Variants in PCDH15 observed in about 807,000 individuals in gnomAD.
PCDH15 encodes the protein protocadherin related 15.
A neutral mutation model predicts 178.5 loss-of-function variants in PCDH15; 129 were observed. That is an observed-to-expected ratio of 0.72 (90% CI 0.63 to 0.84). The LOEUF (loss-of-function observed/expected upper bound fraction) is 0.84. Among genes scored for constraint, PCDH15 ranks in the 40% least tolerant of loss-of-function variants. The probability of loss-of-function intolerance (pLI) is 0.00; values close to 1 mark genes in which losing one functional copy is unlikely to be tolerated. For missense variants in PCDH15, 2,230 were observed against 2,099.9 expected, an observed-to-expected ratio of 1.06 and a Z score of -1.21; for synonymous variants, 800 against 732.0, an observed-to-expected ratio of 1.09 and a Z score of -1.50.
intron 2 of PCDH15, among the ~76,000 whole-genome samples, chr10:55,562,856 T>C (rs1842228207): frequency 6.6e-6 from 1 of 152,032 alleles, no homozygotes; most frequent in South Asian, 2.1e-4. Flanking sequence ...AAGCAAGCAC[T>C]GGAAATCTCT....
At chr10:54,383,854 T>C (rs1236619967) in intron 3 of PCDH15, among the ~76,000 whole-genome samples, 3 of 152,098 alleles carry the variant, frequency 2.0e-5, no homozygotes, top group Admixed American at 6.6e-5. Context: ...AGTCTTGCTC[T>C]GTTGCCCAGG....
intron 2 of PCDH15, among the ~76,000 whole-genome samples, chr10:55,610,903 A>T (rs1490141434): frequency 6.6e-6 from 1 of 152,066 alleles, no homozygotes; most frequent in East Asian, 1.9e-4. Context: ...GTTTTAGCTA[A>T]AAAGAGTGAA....
chr10:54,530,438 G>A lies in PCDH15; in HGVS notation c.92-2561C>T, dbSNP rs368750463. On this transcript the variant is annotated intron_variant, in intron 2 of 37. Coordinates refer to ENST00000644397, the MANE Select transcript of PCDH15 (RefSeq NM_001384140.1). ...ATTGCCCCATTGGCACAATACTAAT[G>A]TGTCTTTCTCTCTCACAAGAGCTTC... Among the ~76,000 whole-genome samples the A allele has an allele frequency of 2.0e-5, 3 of 152,048 alleles. No individual in the cohort carries two copies. In the East Asian group the frequency reaches 5.8e-4, roughly 29 times the overall value.
In PCDH15 at chr10:54,926,395, T is replaced by C. The variant is rs535622717; in HGVS notation, c.-79-28895A>G. On this transcript the variant is annotated intron_variant, in intron 2 of 5. Transcript: ENST00000458638. ...TTTAAATCAGTGTTCATAATAAATA[T>C]TGGCCTGAAGTTTTTTTGTTGTTGT... 1.9e-4 allele frequency among the ~76,000 whole-genome samples: 29 copies of C among 152,190 alleles called. No homozygotes were observed. In the South Asian group the frequency reaches 5.2e-3, roughly 27 times the overall value.
chr10:54,038,387 G>A (rs2093466785), intron 18 of PCDH15, among the ~76,000 whole-genome samples: 1 of 151,872 alleles, frequency 6.6e-6, no homozygotes, highest in South Asian at 2.1e-4. Context: ...GTTGGGGTAT[G>A]CTTTGGGGGT....
intron 2 of PCDH15, among the ~76,000 whole-genome samples, chr10:54,541,735 TTC>T (rs2085255003): frequency 6.6e-6 from 1 of 152,090 alleles, no homozygotes; most frequent in South Asian, 2.1e-4. Flanking sequence ...CAGCTTTTAT[TTC>T]CATCTTGTTT....
chr10:54,888,782 A>G (rs530226792), intron 3 of PCDH15, among the ~76,000 whole-genome samples: 24 of 76,146 alleles, frequency 3.2e-4, no homozygotes, highest in African/African-American at 1.2e-3. Flanking sequence ...GTGCTTGTTC[A>G]TTTTTTCTTT....
At chr10:54,751,553 C>T (rs946490382) in intron 1 of PCDH15, among the ~76,000 whole-genome samples, 19 of 152,008 alleles carry the variant, frequency 1.2e-4, no homozygotes, top group Non-Finnish European at 1.8e-4. Context: ...CCCTTAAAAC[C>T]GTCTAGTTCA....
chr10:54,089,961 G>T, intron 16 of PCDH15, 23 bp downstream of exon 16: 2 of 1,564,364 alleles, frequency 1.3e-6, no homozygotes, highest in South Asian at 1.1e-5. Flanking sequence ...TTTTTTTAAA[G>T]TAGGAAATCA....
rs760717104 is a variant in PCDH15, at chr10:53,807,053, A to T, written c.4749T>A (p.Pro1583=). 2.7e-5 allele frequency: 44 copies of T among 1,613,338 alleles called. No homozygotes were observed. The highest frequency in any genetic ancestry group is 3.6e-5 in the Non-Finnish European group (43 of 1,179,800). ...GGTGAAGACGGTTTCTCTGACATTC[A>T]GGAGCACTGTCTTCTCCAGTTGAGC... ...ETSSTGEDSA[P]ECQRNRLHHP... Residue 1583 remains proline, a synonymous_variant, in exon 38 of 38, where the codon CCT becomes CCA. Transcript: ENST00000644397.
chr10:54,171,061 C>T (rs1039910479), intron 13 of PCDH15, among the ~76,000 whole-genome samples: 4 of 152,222 alleles, frequency 2.6e-5, no homozygotes, highest in Admixed American at 6.5e-5. Context: ...TAGGTAGAGG[C>T]CTTTCCTACA....
chr10:55,582,628 A>ATATATATATATATATATATT (rs780312007), intron 2 of PCDH15, among the ~76,000 whole-genome samples: 1 of 69,032 alleles, frequency 1.4e-5, no homozygotes, highest in African/African-American at 6.6e-5. Context: ...ATATATATAT[A>ATATATATATATATATATATT]TTTTTTTTTT....
intron 2 of PCDH15, among the ~76,000 whole-genome samples, chr10:54,965,056 A>G (rs1424892803): frequency 6.6e-6 from 1 of 152,240 alleles, no homozygotes; most frequent in Non-Finnish European, 1.5e-5. Flanking sequence ...AATATTAGCT[A>G]TAAGCTGCAT....
intron 18 of PCDH15, 98 bp from the exon 19 acceptor site, chr10:54,023,295 C>T: frequency 8.3e-7 from 1 of 1,209,706 alleles, no homozygotes; most frequent in South Asian, 1.3e-5. Context: ...TTTTTCTAAC[C>T]AAAAATTATT....
At chr10:54,388,559 C>G in intron 3 of PCDH15, among the ~76,000 whole-genome samples, 1 of 152,170 alleles carries the variant, frequency 6.6e-6, no homozygotes, top group East Asian at 1.9e-4. Context: ...AGAAGTTCAT[C>G]TTCTACTAGC....
At chr10:55,282,585 A>G (rs1270000218) in intron 1 of PCDH15, among the ~76,000 whole-genome samples, 1 of 152,202 alleles carries the variant, frequency 6.6e-6, no homozygotes, top group East Asian at 1.9e-4. Context: ...ACTTTAATTC[A>G]ACAGACTTTG....
At chr10:55,087,782 ACAGAGT>A (rs1258159277) in intron 2 of PCDH15, among the ~76,000 whole-genome samples, 2 of 152,182 alleles carry the variant, frequency 1.3e-5, no homozygotes, top group African/African-American at 4.8e-5. Flanking sequence ...AAGTCAGAAC[ACAGAGT>A]CTGCCAGTCC....
chr10:55,341,779 ATATATATATATATATATATATATATATT>A (rs1263440273), intron 2 of PCDH15, among the ~76,000 whole-genome samples: 3 of 8,248 alleles, frequency 3.6e-4, no homozygotes, highest in Non-Finnish European at 8.1e-4. Context: ...ATATATATAT[ATATATATATATATATATATATATATATT>A]TTTTTTTTTT....
rs553894573 is a variant in PCDH15, at chr10:54,299,078, G to C, written c.876+18193C>G. Among the ~76,000 whole-genome samples the C allele has an allele frequency of 2.6e-5, 4 of 152,306 alleles. No individual in the cohort carries two copies. The South Asian group carries it at 6.2e-4, about 24-fold the overall frequency. On this transcript the variant is annotated intron_variant, in intron 8 of 37. Transcript: ENST00000644397. Reference sequence around the variant, plus strand: ...CTTATACTGCCGAAGCCATCAAAAAGGGGAAGGAGAGGGGAGAACAGCAGC... The same window carrying C: ...CTTATACTGCCGAAGCCATCAAAAACGGGAAGGAGAGGGGAGAACAGCAGC...
Sources: allele counts gnomAD v4.1 joint callset (sites outside exome capture counted in the v4.1 genomes callset), GRCh38; gene constraint gnomAD v4.1.1; transcripts MANE v1.5; gene names NCBI Gene and HGNC (gene_info 2026-07-23, HGNC 2026-07-21).